Variants in PRMT3 observed in about 807,000 individuals in gnomAD.
PRMT3 encodes protein arginine N-methyltransferase 3.
Under a neutral mutation model 71.9 loss-of-function variants are expected in PRMT3, and 62 were observed. The observed-to-expected ratio is 0.86, with a 90% confidence interval of 0.70 to 1.07. PRMT3 has a LOEUF of 1.07. PRMT3 is among the 50% of genes least tolerant of loss of function. The pLI, the probability that PRMT3 is intolerant of heterozygous loss-of-function variation, is 0.00. For synonymous variants in PRMT3, 213 were observed against 220.4 expected (o/e 0.97, Z 0.30); for missense variants, 663 against 643.0 (o/e 1.03, Z -0.34).
intron 8 of PRMT3, among the ~76,000 whole-genome samples, chr11:20,404,837 G>A (rs564290464): frequency 6.6e-6 from 1 of 152,232 alleles, no homozygotes; most frequent in South Asian, 2.1e-4. Context: ...AATTCTGTGG[G>A]TTTTATTACG....
chr11:20,498,203 A>C (rs966246178), intron 15 of PRMT3, among the ~76,000 whole-genome samples: 2 of 152,198 alleles, frequency 1.3e-5, no homozygotes, highest in East Asian at 3.8e-4. Context: ...CAAGCACTCT[A>C]GCCTAGTCCT....
intron 15 of PRMT3, among the ~76,000 whole-genome samples, chr11:20,500,788 A>G (rs1851440667): frequency 6.6e-6 from 1 of 152,244 alleles, no homozygotes; most frequent in African/African-American, 2.4e-5. Flanking sequence ...GGAAGAAATA[A>G]TATTTGAGAC....
At chr11:20,388,338 G>C (rs1485999245) in intron 2 of PRMT3, among the ~76,000 whole-genome samples, 184 bp downstream of exon 2, 4 of 152,210 alleles carry the variant, frequency 2.6e-5, no homozygotes, top group Non-Finnish European at 1.5e-5. Flanking sequence ...GGGGAACCGT[G>C]AACTGGAAGG....
chr11:20,435,470 AG>A (rs1224588472), intron 10 of PRMT3, among the ~76,000 whole-genome samples: 1 of 152,118 alleles, frequency 6.6e-6, no homozygotes, highest in Non-Finnish European at 1.5e-5. Context: ...CCAAAGTACT[AG>A]GATTACCGCG....
intron 3 of PRMT3, among the ~76,000 whole-genome samples, chr11:20,391,732 C>T (rs558153211): frequency 2.0e-5 from 3 of 152,164 alleles, no homozygotes; most frequent in Admixed American, 1.3e-4. Flanking sequence ...AATGCTGCTT[C>T]ATTTCTGGAA....
chr11:20,408,357 CTACT>C (rs1481283258), intron 9 of PRMT3, among the ~76,000 whole-genome samples: 1 of 151,772 alleles, frequency 6.6e-6, no homozygotes, highest in East Asian at 1.9e-4. Flanking sequence ...AGAGGACTCC[CTACT>C]TACTAATATA....
At chr11:20,483,296 G>A (rs1412314901) in intron 13 of PRMT3, among the ~76,000 whole-genome samples, 1 of 152,108 alleles carries the variant, frequency 6.6e-6, no homozygotes, top group Non-Finnish European at 1.5e-5. Context: ...AGGTGAACAA[G>A]TGTATTCTTA....
chr11:20,456,228 G>A (rs1490082450), intron 11 of PRMT3, among the ~76,000 whole-genome samples: 1 of 152,074 alleles, frequency 6.6e-6, no homozygotes, highest in Non-Finnish European at 1.5e-5. Context: ...ATTGAACGGT[G>A]GCTTACAAAG....
At chr11:20,422,555 G>A (rs544967335) in intron 9 of PRMT3, among the ~76,000 whole-genome samples, 19 of 152,148 alleles carry the variant, frequency 1.2e-4, no homozygotes, top group South Asian at 4.2e-4. Context: ...TCCCCTCTGC[G>A]TACTATTCCC....
chr11:20,440,376 TGG>T (rs1412872124), intron 10 of PRMT3, among the ~76,000 whole-genome samples: 1 of 151,018 alleles, frequency 6.6e-6, no homozygotes, highest in African/African-American at 2.4e-5. Flanking sequence ...CCGGGTGTGG[TGG>T]CTCACGCCTG....
intron 9 of PRMT3, among the ~76,000 whole-genome samples, chr11:20,408,829 C>T (rs575308685): frequency 1.6e-4 from 25 of 152,274 alleles, no homozygotes; most frequent in African/African-American, 5.8e-4. Flanking sequence ...CATGGTGGCT[C>T]ATGTCTGTAA....
At chr11:20,500,863 G>A (rs1340683379) in intron 15 of PRMT3, among the ~76,000 whole-genome samples, 4 of 152,120 alleles carry the variant, frequency 2.6e-5, no homozygotes, top group Non-Finnish European at 5.9e-5. Context: ...AAGTAACACC[G>A]TAAAGTTAGT....
At position 20,493,960 on chromosome 11, in the gene PRMT3, C is replaced by T; in HGVS notation, c.1389C>T (p.Cys463=). 6.3e-7 allele frequency: 1 copy of T among 1,589,248 alleles called. No homozygotes were observed. The highest frequency in any genetic ancestry group is 2.2e-5 in the East Asian group (1 of 44,664). Residue 463 remains cysteine, a synonymous_variant, in exon 14 of 16, where the codon TGC becomes TGT. Coordinates refer to ENST00000331079, the MANE Select transcript of PRMT3 (RefSeq NM_005788.4). Reference sequence around the variant, plus strand: ...TTGATATATATTTTGAGAAGAATTGCCACAACAGGGTAAGTATCATGAATT... The same window carrying T: ...TTGATATATATTTTGAGAAGAATTGTCACAACAGGGTAAGTATCATGAATT... ...GYFDIYFEKN[C]HNRVVFSTGP...
intron 10 of PRMT3, among the ~76,000 whole-genome samples, chr11:20,433,526 A>G (rs1053878506): frequency 2.6e-5 from 4 of 152,146 alleles, no homozygotes; most frequent in Non-Finnish European, 5.9e-5. Flanking sequence ...ATGAACATTC[A>G]TGTGCATCTT....
chr11:20,445,214 G>T (rs890838222), intron 10 of PRMT3, among the ~76,000 whole-genome samples: 1 of 151,792 alleles, frequency 6.6e-6, no homozygotes, highest in Non-Finnish European at 1.5e-5. Flanking sequence ...GCAAAATGTA[G>T]TATGAAAAAC....
Position 20,388,152 on chromosome 11 carries a change from C to T in PRMT3, c.162C>T (p.Asn54=), listed in dbSNP as rs765410103. 6.2e-7 allele frequency: 1 copy of T among 1,613,872 alleles called. No individual in the cohort carries two copies. Among genetic ancestry groups the T allele is most frequent in the Non-Finnish European group, 8.5e-7 (1 of 1,179,982 alleles). The part of the protein sequence containing the change: ...GKQQTPCLFC[N]RLFTSAEETF... ...AGCAGACCCCCTGCCTGTTCTGTAA[C>T]AGGTTCGTCCGCCTCAGCGCCTGGC... Residue 54 remains asparagine (N), a splice_region_variant and synonymous_variant, in exon 2 of 16, where the codon AAC becomes AAT. Transcript: ENST00000331079.
rs567786166 is a variant in PRMT3, at chr11:20,473,806, T to G, written c.1347+9260T>G. Among the ~76,000 whole-genome samples, 3 of 152,330 alleles carry G rather than the reference T, an allele frequency of 2.0e-5. No homozygotes were observed. In the East Asian group the frequency reaches 5.8e-4, roughly 29 times the overall value. On this transcript the variant is annotated intron_variant, in intron 13 of 15. Transcript: ENST00000331079. ...TTCTGTGCCCTTGCTGGAGAGGTGTTGCAGTCATTTGGAGGAAGAGAGGCA... is the reference window on the plus strand; with the variant it reads ...TTCTGTGCCCTTGCTGGAGAGGTGTGGCAGTCATTTGGAGGAAGAGAGGCA...
intron 15 of PRMT3, among the ~76,000 whole-genome samples, chr11:20,499,645 T>C (rs1851412639): frequency 6.6e-6 from 1 of 152,030 alleles, no homozygotes; most frequent in African/African-American, 2.4e-5. Flanking sequence ...ATTAAATTTT[T>C]TTAAAGAAGA....
intron 13 of PRMT3, among the ~76,000 whole-genome samples, chr11:20,488,636 A>T: frequency 6.6e-6 from 1 of 152,100 alleles, no homozygotes; most frequent in East Asian, 1.9e-4. Flanking sequence ...AGAAATGATA[A>T]ATTACTCCCT....
Sources: allele counts gnomAD v4.1 joint callset (sites outside exome capture counted in the v4.1 genomes callset), GRCh38; gene constraint gnomAD v4.1.1; transcripts MANE v1.5; gene names NCBI Gene and HGNC (gene_info 2026-07-23, HGNC 2026-07-21).